The following NOCT variants were observed in gnomAD, a reference collection of about 807,000 sequenced individuals.
NOCT encodes the protein CCR4 carbon catabolite repression 4-like.
A neutral mutation model predicts 35.0 loss-of-function variants in NOCT; 18 were observed. The observed-to-expected ratio is 0.51, with a 90% CI of 0.36 to 0.76. The LOEUF (loss-of-function observed/expected upper bound fraction) is 0.76, where lower values mean the gene tolerates loss of function less well. Ranked by LOEUF, NOCT falls within the 30% of genes least tolerant of loss-of-function variation. The probability of loss-of-function intolerance (pLI) is 0.01; values close to 1 mark genes in which losing one functional copy is unlikely to be tolerated. For missense variants in NOCT, 479 were observed against 541.0 expected (o/e 0.89, Z 1.14); for synonymous variants, 235 against 226.3 (o/e 1.04, Z -0.34).
intron 1 of NOCT, among the ~76,000 whole-genome samples, chr4:139,035,836 T>G (rs1726726020): frequency 6.6e-6 from 1 of 152,028 alleles, no homozygotes; most frequent in African/African-American, 2.4e-5. Flanking sequence ...ACCACCATAA[T>G]CCCCTCTGTT....
chr4:139,021,916 G>C (rs146907510), intron 1 of NOCT, among the ~76,000 whole-genome samples: 2,074 of 152,166 alleles, frequency 0.014, 42 homozygotes, highest in African/African-American at 0.048. Context: ...GCGCCACCAT[G>C]CCCGGCTAAT....
chr4:139,045,485 T>A lies in NOCT; in HGVS notation c.*11T>A. The A allele has an allele frequency of 7.0e-7, 1 of 1,419,682 alleles. No individual in the cohort carries two copies. The highest frequency in any genetic ancestry group is 9.7e-7 in the Non-Finnish European group (1 of 1,032,670). 87.9% of individuals were successfully genotyped at this position (1,419,682 alleles called of 1,614,324 possible). On this transcript the variant is annotated 3_prime_UTR_variant, in exon 3 of 3. Coordinates refer to ENST00000280614, the MANE Select transcript of NOCT (RefSeq NM_012118.4). ...GATGGACTTTCATAAATACTTGCTT[T>A]TGTCTTTTTAATCACAGGAGTCTAT...
At chr4:139,041,976 T>C (rs1726838834) in intron 1 of NOCT, among the ~76,000 whole-genome samples, 1 of 151,970 alleles carries the variant, frequency 6.6e-6, no homozygotes, top group Non-Finnish European at 1.5e-5. Context: ...ATGACCAGCG[T>C]AGCAAGCAGC....
At chr4:139,044,341 T>G (rs1019967725) in intron 2 of NOCT, among the ~76,000 whole-genome samples, 8 of 152,194 alleles carry the variant, frequency 5.3e-5, no homozygotes, top group African/African-American at 1.9e-4. Flanking sequence ...TGGCATTTAT[T>G]TCATTTTATA....
At chr4:139,030,811 G>T in intron 1 of NOCT, among the ~76,000 whole-genome samples, 1 of 152,150 alleles carries the variant, frequency 6.6e-6, no homozygotes, top group East Asian at 1.9e-4. Context: ...CAACACGCAT[G>T]GCCAGTAGAT....
At chr4:139,036,320 C>T (rs920878260) in intron 1 of NOCT, among the ~76,000 whole-genome samples, 5 of 152,118 alleles carry the variant, frequency 3.3e-5, no homozygotes, top group Non-Finnish European at 4.4e-5. Flanking sequence ...GCCTCAAACT[C>T]CTGGCCTCAA....
At chr4:139,020,836 T>C (rs1726396175) in intron 1 of NOCT, among the ~76,000 whole-genome samples, 1 of 150,418 alleles carries the variant, frequency 6.6e-6, no homozygotes, top group Admixed American at 6.6e-5. Context: ...GAGGCCGAGG[T>C]GCGGATCACT....
chr4:139,037,713 C>T (rs1238800015), intron 1 of NOCT, among the ~76,000 whole-genome samples: 1 of 152,146 alleles, frequency 6.6e-6, no homozygotes, highest in East Asian at 1.9e-4. Flanking sequence ...CACGTAAGCC[C>T]TCATTTTAAA....
chr4:139,025,752 C>A (rs556674990), intron 1 of NOCT, among the ~76,000 whole-genome samples: 18 of 149,730 alleles, frequency 1.2e-4, no homozygotes, highest in Middle Eastern at 3.5e-3. Context: ...TTCAGTGAGC[C>A]GAGATGGCGC....
intron 1 of NOCT, among the ~76,000 whole-genome samples, chr4:139,021,118 T>TTCAAG (rs1726403558): frequency 6.7e-6 from 1 of 149,452 alleles, no homozygotes. Context: ...CCTAAGGCAG[T>TTCAAG]TCAAGAGACC....
At chr4:139,019,221 A>C (rs2148641749) in intron 1 of NOCT, among the ~76,000 whole-genome samples, 1 of 152,126 alleles carries the variant, frequency 6.6e-6, no homozygotes, top group South Asian at 2.1e-4. Context: ...GTGCCGGGCT[A>C]ATTTTTGTAT....
intron 1 of NOCT, among the ~76,000 whole-genome samples, chr4:139,020,476 CAAT>C (rs1210157218): frequency 1.3e-5 from 2 of 152,152 alleles, no homozygotes. Flanking sequence ...ACCACACACA[CAAT>C]GCCTGGAAGA....
intron 1 of NOCT, among the ~76,000 whole-genome samples, chr4:139,027,593 G>A (rs903936278): frequency 2.6e-5 from 4 of 151,874 alleles, no homozygotes; most frequent in East Asian, 1.9e-4. Context: ...TCCGCCTCCC[G>A]GGTTCACTCC....
At chr4:139,028,315 C>T (rs1209104196) in intron 1 of NOCT, 2 of 152,286 alleles carry the variant, frequency 1.3e-5, no homozygotes, top group East Asian at 1.9e-4. Flanking sequence ...GTCTGGATGA[C>T]GCTTCAGCTT....
chr4:139,039,463 A>AT (rs59519379), intron 1 of NOCT, among the ~76,000 whole-genome samples: 272 of 149,608 alleles, frequency 1.8e-3, no homozygotes, highest in African/African-American at 3.6e-3. Context: ...CTTTTTAAGT[A>AT]TTTTTTTTTA....
At position 139,026,862 on chromosome 4, in the gene NOCT, CTTTTTTTTTTTTTTTTTTT is replaced by C. The variant is rs1165378672; in HGVS notation, c.190+10704_190+10722del. On this transcript the variant is annotated intron_variant, in intron 1 of 2. Transcript: ENST00000280614. ...CCACCATCCCTGGCCTTTTTTTTTTCTTTTTTTTTTTTTTTTTTTTTTTTTTTTTTTGAGACGGAGTCTC... is the reference window on the plus strand; with the variant it reads ...CCACCATCCCTGGCCTTTTTTTTTTCTTTTTTTTTTTTGAGACGGAGTCTC... Among the ~76,000 whole-genome samples, 27 of 120,324 alleles carry C rather than the reference CTTTTTTTTTTTTTTTTTTT, an allele frequency of 2.2e-4. 2 individuals carry two copies. Among genetic ancestry groups the C allele is most frequent in the African/African-American group, 9.4e-4 (27 of 28,702 alleles). 78.9% of individuals were successfully genotyped at this position (120,324 alleles called of 152,430 possible). A position where few individuals can be genotyped will look rare whatever the true frequency, so the allele number is the denominator to read the frequency against.
chr4:139,028,466 G>T (rs1044810382), intron 1 of NOCT: 1 of 152,336 alleles, frequency 6.6e-6, no homozygotes, highest in African/African-American at 2.4e-5. Flanking sequence ...CAAGCGGGTC[G>T]TGGCACTGCT....
At chr4:139,036,955 G>A (rs1195387821) in intron 1 of NOCT, among the ~76,000 whole-genome samples, 1 of 152,186 alleles carries the variant, frequency 6.6e-6, no homozygotes, top group East Asian at 1.9e-4. Context: ...TCAGTAAGCT[G>A]TCTAGAACGA....
intron 1 of NOCT, among the ~76,000 whole-genome samples, chr4:139,034,245 A>G (rs1315223966): frequency 6.6e-6 from 1 of 151,582 alleles, no homozygotes; most frequent in Non-Finnish European, 1.5e-5. Flanking sequence ...TATTGGTATT[A>G]ATCCATTGAT....
Sources: gnomAD v4.1 joint callset for allele counts (sites outside exome capture counted in the v4.1 genomes callset) on GRCh38, gnomAD v4.1.1 for gene constraint, MANE v1.5 for transcripts, NCBI Gene and HGNC (gene_info 2026-07-23, HGNC 2026-07-21) for gene names.